GDF1: variants seen among roughly 807,000 people sequenced by gnomAD.
The protein encoded by GDF1 is embryonic growth/differentiation factor 1.
In GDF1, 8 loss-of-function variants were observed where a neutral mutation model predicts 7.4. The ratio of observed to expected loss-of-function variants is 1.09; its 90% confidence interval spans 0.64 to 1.96. The LOEUF is 1.96. Ranked by LOEUF, GDF1 falls within the 30% of genes most tolerant of loss-of-function variation. The pLI is 0.00. For synonymous variants in GDF1, 311 were observed against 276.7 expected (o/e 1.12, Z -1.23); for missense variants, 574 against 551.5 (o/e 1.04, Z -0.41).
At chr19:18,890,223 C>T (rs986940217) in intron 2 of GDF1, among the ~76,000 whole-genome samples, 2 of 152,234 alleles carry the variant, frequency 1.3e-5, no homozygotes, top group Non-Finnish European at 2.9e-5. Context: ...GGGGCCACCC[C>T]TGTCCCTGCT....
rs758556990 is a variant in GDF1, at chr19:18,884,087, C to T, written c.-733G>A. The T allele has an allele frequency of 4.3e-6, 7 of 1,611,542 alleles. No homozygotes were observed. The highest frequency in any genetic ancestry group is 4.2e-6 in the Non-Finnish European group (5 of 1,178,514). ...CCCTGCCACCCGATCCTGTCCTTAC[C>T]GGAAGGCGTAGGAGGAGACGATGAG... On this transcript the variant is annotated splice_region_variant and 5_prime_UTR_variant, in exon 3 of 8. Transcript: ENST00000247005.
At position 18,896,015 on chromosome 19, in the gene GDF1, C is replaced by T. The variant is rs2056618459; in HGVS notation, c.-1265G>A. ...CCCCAGCCGCGCTGCACTAGCTGCG[C>T]GTAGCTCGGCATGGGCTCGGGCCCC... On this transcript the variant is annotated 5_prime_UTR_variant, in exon 1 of 8. Coordinates refer to ENST00000247005, the MANE Select transcript of GDF1 (RefSeq NM_001492.6). This position sits in a 1 kb window ranked among gnomAD's most constrained non-coding sequence, Gnocchi z 5.9. The T allele has an allele frequency of 7.9e-6, 8 of 1,009,152 alleles. No individual in the cohort carries two copies. Among genetic ancestry groups the T allele is most frequent in the Non-Finnish European group, 9.5e-6 (8 of 846,458 alleles). 62.5% of individuals were successfully genotyped at this position (1,009,152 alleles called of 1,614,324 possible). A position where few individuals can be genotyped will look rare whatever the true frequency, so the allele number is the denominator to read the frequency against.
In GDF1 at chr19:18,895,278, C is replaced by G. The variant is rs2056597340; in HGVS notation, c.-1074+546G>C. Among the ~76,000 whole-genome samples, 2 of 152,320 alleles carry G rather than the reference C, an allele frequency of 1.3e-5. No homozygotes were observed. The highest frequency in any genetic ancestry group is 4.8e-5 in the African/African-American group (2 of 41,570). On this transcript the variant is annotated intron_variant, in intron 1 of 7. Coordinates refer to ENST00000247005, the MANE Select transcript of GDF1 (RefSeq NM_001492.6). The surrounding 1 kb of genome is among the most constrained non-coding windows in gnomAD (Gnocchi z 6.4). ...ACAGCGGGCAAGCCGGCCCCGCCGC[C>G]GCACGGACCCAGCAGAAAACGGGCA... is the stretch of plus-strand genomic sequence containing the variant.
intron 7 of GDF1, among the ~76,000 whole-genome samples, 167 bp downstream of exon 7, chr19:18,869,816 A>C (rs2055931658): frequency 6.6e-6 from 1 of 151,902 alleles, no homozygotes; most frequent in African/African-American, 2.4e-5. Flanking sequence ...CCCGGCGTGC[A>C]GCAGATGACG....
At chr19:18,887,397 G>C (rs923960401) in intron 2 of GDF1, among the ~76,000 whole-genome samples, 2 of 152,154 alleles carry the variant, frequency 1.3e-5, no homozygotes. Context: ...TTCCTTTTGT[G>C]GGGGATGATA....
Position 18,893,561 on chromosome 19 carries a change from C to A in GDF1, c.-1059G>T, listed in dbSNP as rs377215717. 1.1e-5 allele frequency: 17 copies of A among 1,609,196 alleles called. No homozygotes were observed. The highest frequency in any genetic ancestry group is 2.2e-5 in the East Asian group (1 of 44,732). On this transcript the variant is annotated 5_prime_UTR_variant, in exon 2 of 8. Coordinates refer to ENST00000247005, the MANE Select transcript of GDF1 (RefSeq NM_001492.6). ...CGGCATCTCTGGGCTGGAGGCAGCA[C>A]CGCTTCGCCAGGGGCTATGGGGGAG...
At chr19:18,885,716 TC>T (rs2056339835) in intron 2 of GDF1, among the ~76,000 whole-genome samples, 1 of 149,102 alleles carries the variant, frequency 6.7e-6, no homozygotes, top group African/African-American at 2.5e-5. Context: ...AGACAGGGTG[TC>T]ATCATGTTGG....
At chr19:18,887,095 A>C (rs2056380875) in intron 2 of GDF1, among the ~76,000 whole-genome samples, 1 of 152,274 alleles carries the variant, frequency 6.6e-6, no homozygotes, top group Non-Finnish European at 1.5e-5. Context: ...CAAAAGGCAG[A>C]CACAACCCGA....
chr19:18,885,142 T>C (rs567655449), intron 2 of GDF1, among the ~76,000 whole-genome samples: 102 of 152,322 alleles, frequency 6.7e-4, no homozygotes, highest in Non-Finnish European at 3.2e-4. Flanking sequence ...CTTTAAGTGG[T>C]ATATTTGCTA....
At chr19:18,875,950 T>C (rs1181034639) in intron 6 of GDF1, among the ~76,000 whole-genome samples, 2 of 152,220 alleles carry the variant, frequency 1.3e-5, no homozygotes, top group African/African-American at 4.8e-5. Context: ...ATTTTGAACA[T>C]CTGTCATCCA....
At chr19:18,882,498 G>A (rs908827316) in intron 3 of GDF1, among the ~76,000 whole-genome samples, 1 of 151,484 alleles carries the variant, frequency 6.6e-6, no homozygotes, top group Non-Finnish European at 1.5e-5. Flanking sequence ...CCGGTGTGAT[G>A]TCATACCCCT....
intron 2 of GDF1, among the ~76,000 whole-genome samples, chr19:18,885,291 C>A (rs2056321438): frequency 2.0e-5 from 3 of 152,144 alleles, no homozygotes; most frequent in African/African-American, 7.2e-5. Flanking sequence ...GCCTCGACCT[C>A]CTGGGCTCAA....
chr19:18,870,393 A>G lies in GDF1; in HGVS notation c.-86T>C, dbSNP rs1413177105. On this transcript the variant is annotated 5_prime_UTR_variant, in exon 7 of 8. Coordinates refer to ENST00000247005, the MANE Select transcript of GDF1 (RefSeq NM_001492.6). The surrounding 1 kb of genome is among the most constrained non-coding windows in gnomAD (Gnocchi z 5.1). The stretch of plus-strand genomic sequence containing the variant: ...CTGAGGGCGGGGCCGGTGTCCCCGG[A>G]GGGGCAGGGGTCCTGGGGGGCGTGG... 35 of 1,268,454 alleles carry G rather than the reference A, an allele frequency of 2.8e-5. No homozygotes were observed. The highest frequency in any genetic ancestry group is 3.4e-5 in the Non-Finnish European group (33 of 960,376). The allele number at this position is 1,268,454 out of a possible 1,614,324, so 78.6% of individuals were successfully genotyped here. A position where few individuals can be genotyped will look rare whatever the true frequency, so the allele number is the denominator to read the frequency against.
chr19:18,892,594 A>G (rs2056518844), intron 2 of GDF1, among the ~76,000 whole-genome samples: 1 of 151,956 alleles, frequency 6.6e-6, no homozygotes, highest in African/African-American at 2.4e-5. Flanking sequence ...AGCCTGGGCG[A>G]CAGAGCGAGA....
chr19:18,886,915 C>T (rs1190890099), intron 2 of GDF1, among the ~76,000 whole-genome samples: 2 of 152,222 alleles, frequency 1.3e-5, no homozygotes, highest in Non-Finnish European at 2.9e-5. Context: ...ATCTCTCCAG[C>T]GATCCCTGGC....
chr19:18,884,010 G>T, intron 3 of GDF1, 77 bp downstream of exon 3: 1 of 1,472,048 alleles, frequency 6.8e-7, no homozygotes, highest in African/African-American at 1.4e-5. Flanking sequence ...GGCCTCCTCT[G>T]TGCCCCGCCG....
At chr19:18,869,907 C>T in intron 7 of GDF1, 76 bp downstream of exon 7, 2 of 1,434,662 alleles carry the variant, frequency 1.4e-6, no homozygotes, top group Non-Finnish European at 1.9e-6. Flanking sequence ...GCTCGGGCAT[C>T]CCCGGGCCAC....
chr19:18,868,883 TCGCGGAAGCTCACGTACAGCCGCCG>T lies in GDF1; in HGVS notation c.808_832del (p.Arg271TrpfsTer106). On this transcript the variant is annotated frameshift_variant, in exon 8 of 8. Transcript: ENST00000247005. LOFTEE classifies it low-confidence loss of function (END_TRUNC). The stretch of plus-strand genomic sequence containing the variant: ...GATGACCCAGCGGTGCCAGCCCACC[TCGCGGAAGCTCACGTACAGCCGCCG>T]CGCGCGACAAGCGCCCCCGGGGCCG... 3 of 1,430,892 alleles carry T rather than the reference TCGCGGAAGCTCACGTACAGCCGCCG, an allele frequency of 2.1e-6. No individual in the cohort carries two copies. Among genetic ancestry groups the T allele is most frequent in the Non-Finnish European group, 2.8e-6 (3 of 1,084,674 alleles). 88.6% of individuals were successfully genotyped at this position (1,430,892 alleles called of 1,614,324 possible). A position where few individuals can be genotyped will look rare whatever the true frequency, so the allele number is the denominator to read the frequency against.
chr19:18,893,327 G>T, intron 2 of GDF1, 89 bp downstream of exon 2: 1 of 1,424,040 alleles, frequency 7.0e-7, no homozygotes, highest in Non-Finnish European at 9.5e-7. Context: ...TGATCCTCCT[G>T]CTTCTGCCTC....
Sources: allele counts gnomAD v4.1 joint callset (sites outside exome capture counted in the v4.1 genomes callset), GRCh38; gene constraint gnomAD v4.1.1; non-coding constraint Gnocchi (gnomAD v3.1); transcripts MANE v1.5; gene names NCBI Gene and HGNC (gene_info 2026-07-23, HGNC 2026-07-21).